The following FMN2 variants were observed in gnomAD, a reference collection of about 807,000 sequenced individuals.
FMN2 encodes the protein formin 2.
Under a neutral mutation model 142.3 loss-of-function variants are expected in FMN2, and 51 were observed. The observed-to-expected ratio is 0.36, with a 90% CI of 0.29 to 0.45. The LOEUF (loss-of-function observed/expected upper bound fraction) is 0.45. Ranked by LOEUF, FMN2 falls within the 20% of genes least tolerant of loss-of-function variation. FMN2 has a pLI of 1.00. For synonymous variants in FMN2, 882 were observed against 869.8 expected (o/e 1.01, Z -0.25); for missense variants, 1,936 against 2,122.8 (o/e 0.91, Z 1.73).
chr1:240,336,114 G>A (rs1671546564), intron 13 of FMN2, among the ~76,000 whole-genome samples: 2 of 152,120 alleles, frequency 1.3e-5, no homozygotes, highest in African/African-American at 2.4e-5. Context: ...TTGCACTCCA[G>A]CCTGAGCAAC....
At position 240,180,292 on chromosome 1, in the gene FMN2, T is replaced by C; in HGVS notation, c.1930+2224T>C. 3 of 616,674 alleles carry C rather than the reference T, an allele frequency of 4.9e-6. No individual in the cohort carries two copies. The South Asian group carries it at 6.1e-5, about 12-fold the overall frequency. The allele number at this position is 616,674 out of a possible 1,614,324, so 38.2% of individuals were successfully genotyped here. Reference sequence around the variant, plus strand: ...ATCTAATGGGTCTTTCTAAACTTCTTCTGTTGTGACTCCCTGACGTAAATT... The same window carrying C: ...ATCTAATGGGTCTTTCTAAACTTCTCCTGTTGTGACTCCCTGACGTAAATT... On this transcript the variant is annotated intron_variant, in intron 3 of 17. Transcript: ENST00000319653.
intron 14 of FMN2, among the ~76,000 whole-genome samples, chr1:240,370,458 G>A (rs1431153983): frequency 2.6e-5 from 4 of 151,950 alleles, no homozygotes; most frequent in Non-Finnish European, 5.9e-5. Context: ...CTAAAACATT[G>A]TTTTCAAAAG....
chr1:240,189,023 C>T (rs1031724745), intron 4 of FMN2, among the ~76,000 whole-genome samples: 33 of 152,186 alleles, frequency 2.2e-4, no homozygotes, highest in Admixed American at 1.8e-3. Flanking sequence ...CCACCAGGTC[C>T]CTCCCACAAC....
chr1:240,372,417 T>C (rs73126296), intron 14 of FMN2, among the ~76,000 whole-genome samples: 160 of 152,190 alleles, frequency 1.1e-3, no homozygotes, highest in African/African-American at 3.8e-3. Context: ...TTCTGAAATA[T>C]GATAGGGAAG....
chr1:240,427,438 C>CT (rs1674996216), intron 15 of FMN2, among the ~76,000 whole-genome samples: 1 of 152,026 alleles, frequency 6.6e-6, no homozygotes, highest in Non-Finnish European at 1.5e-5. Flanking sequence ...ATCTCCTGAC[C>CT]TTGTGATCTG....
chr1:240,252,656 A>G (rs1668315217), intron 6 of FMN2, among the ~76,000 whole-genome samples: 1 of 150,938 alleles, frequency 6.6e-6, no homozygotes, highest in Non-Finnish European at 1.5e-5. Context: ...GTTCTCTTAT[A>G]AGTGACTAGA....
chr1:240,363,808 C>G (rs1226979424), intron 14 of FMN2, among the ~76,000 whole-genome samples: 1 of 152,140 alleles, frequency 6.6e-6, no homozygotes, highest in Non-Finnish European at 1.5e-5. Flanking sequence ...GTCCCCAACC[C>G]CTTTGTCCCC....
chr1:240,285,901 CT>C (rs542821016), intron 7 of FMN2, among the ~76,000 whole-genome samples: 1 of 151,284 alleles, frequency 6.6e-6, no homozygotes, highest in South Asian at 2.1e-4. Context: ...TTTTTTTTTC[CT>C]TTTTTTCCCC....
At chr1:240,155,522 CCT>C in intron 2 of FMN2, among the ~76,000 whole-genome samples, 1 of 152,206 alleles carries the variant, frequency 6.6e-6, no homozygotes, top group East Asian at 1.9e-4. Flanking sequence ...CTCAAGTGTT[CCT>C]CCTGCCTTGG....
intron 1 of FMN2, among the ~76,000 whole-genome samples, chr1:240,110,342 T>C (rs1286684024): frequency 6.6e-6 from 1 of 152,206 alleles, no homozygotes; most frequent in Non-Finnish European, 1.5e-5. Flanking sequence ...AATCCTGCTC[T>C]GCCTACTTCA....
At chr1:240,141,235 T>G (rs1005306852) in intron 2 of FMN2, among the ~76,000 whole-genome samples, 1 of 152,148 alleles carries the variant, frequency 6.6e-6, no homozygotes, top group Non-Finnish European at 1.5e-5. Flanking sequence ...AGGGATACTT[T>G]TAAGAAAATA....
At chr1:240,175,299 G>C (rs142386440) in intron 2 of FMN2, among the ~76,000 whole-genome samples, 57 of 152,294 alleles carry the variant, frequency 3.7e-4, no homozygotes, top group African/African-American at 1.2e-3. Context: ...TAGGTGTACA[G>C]ATGTTTCTTT....
chr1:240,426,633 C>A (rs1481465985), intron 15 of FMN2, among the ~76,000 whole-genome samples: 1 of 152,162 alleles, frequency 6.6e-6, no homozygotes, highest in Non-Finnish European at 1.5e-5. Context: ...CTCTATAACC[C>A]TACCCGCTTG....
intron 16 of FMN2, among the ~76,000 whole-genome samples, chr1:240,446,198 G>A (rs1675806379): frequency 6.6e-6 from 1 of 152,194 alleles, no homozygotes; most frequent in South Asian, 2.1e-4. Flanking sequence ...CTGGGAAAGG[G>A]CTTTGCATTT....
intron 2 of FMN2, among the ~76,000 whole-genome samples, chr1:240,172,387 G>A (rs1036928050): frequency 6.6e-6 from 1 of 152,188 alleles, no homozygotes; most frequent in African/African-American, 2.4e-5. Flanking sequence ...GAGATGATGT[G>A]TAGGTGAGAT....
chr1:240,444,602 C>T (rs1302276034), intron 16 of FMN2, among the ~76,000 whole-genome samples: 1 of 152,190 alleles, frequency 6.6e-6, no homozygotes, highest in Non-Finnish European at 1.5e-5. Context: ...ATAGCTACTT[C>T]TCTAATTGCA....
intron 8 of FMN2, among the ~76,000 whole-genome samples, chr1:240,309,439 A>G (rs1480415936): frequency 6.6e-6 from 1 of 152,182 alleles, no homozygotes; most frequent in African/African-American, 2.4e-5. Flanking sequence ...CCCAGGAAAC[A>G]AACCTCAGGG....
intron 6 of FMN2, among the ~76,000 whole-genome samples, chr1:240,242,137 G>T (rs577947183): frequency 6.6e-6 from 1 of 152,104 alleles, no homozygotes; most frequent in Non-Finnish European, 1.5e-5. Context: ...GAGCCACCGC[G>T]CCCGGCTAGT....
intron 2 of FMN2, among the ~76,000 whole-genome samples, chr1:240,161,805 A>T (rs1664293383): frequency 1.3e-5 from 2 of 152,186 alleles, no homozygotes; most frequent in African/African-American, 4.8e-5. Context: ...CCATCTCACA[A>T]ATACAAAACT....
Sources: gnomAD v4.1 joint callset for allele counts (sites outside exome capture counted in the v4.1 genomes callset) on GRCh38, gnomAD v4.1.1 for gene constraint, MANE v1.5 for transcripts, NCBI Gene and HGNC (gene_info 2026-07-23, HGNC 2026-07-21) for gene names.